The following PID1 variants were observed in gnomAD, a reference collection of about 807,000 sequenced individuals.
The protein encoded by PID1 is PTB-containing, cubilin and LRP1-interacting protein.
A neutral mutation model predicts 19.1 loss-of-function variants in PID1; 10 were observed. That is an observed-to-expected ratio of 0.52 (90% confidence interval 0.32 to 0.89). PID1 has a LOEUF of 0.89. Ranked by LOEUF, PID1 falls within the 40% of genes least tolerant of loss-of-function variation. PID1 has a pLI of 0.03. For missense variants in PID1, 248 were observed against 285.3 expected (o/e 0.87, Z 0.94); for synonymous variants, 130 against 116.0 (o/e 1.12, Z -0.78).
At chr2:229,174,878 T>C (rs917723996) in intron 1 of PID1, among the ~76,000 whole-genome samples, 3 of 152,224 alleles carry the variant, frequency 2.0e-5, no homozygotes, top group African/African-American at 4.8e-5. Flanking sequence ...TTGATACTCC[T>C]ACCTCAAGAG....
chr2:229,191,981 G>C (rs1691269479), intron 1 of PID1, among the ~76,000 whole-genome samples: 1 of 151,920 alleles, frequency 6.6e-6, no homozygotes, highest in South Asian at 2.1e-4. Context: ...TAATATTAGT[G>C]GTTTTCCTAA....
At chr2:229,260,703 A>G (rs1574766241) in intron 1 of PID1, among the ~76,000 whole-genome samples, 1 of 151,924 alleles carries the variant, frequency 6.6e-6, no homozygotes, top group Non-Finnish European at 1.5e-5. Flanking sequence ...ACTTCTTTAC[A>G]TACTTCTAAA....
intron 1 of PID1, among the ~76,000 whole-genome samples, chr2:229,202,517 G>A (rs1232811966): frequency 6.6e-6 from 1 of 152,010 alleles, no homozygotes; most frequent in Non-Finnish European, 1.5e-5. Context: ...CAGGAGCATT[G>A]TACTGGGATG....
chr2:229,043,328 G>A (rs1342182551), intron 2 of PID1, among the ~76,000 whole-genome samples: 1 of 152,086 alleles, frequency 6.6e-6, no homozygotes, highest in African/African-American at 2.4e-5. Context: ...TTTAAGAAGG[G>A]AGAATGATAT....
intron 1 of PID1, among the ~76,000 whole-genome samples, chr2:229,162,658 G>A (rs1690513650): frequency 6.6e-6 from 1 of 152,214 alleles, no homozygotes; most frequent in African/African-American, 2.4e-5. Context: ...ATGTTAATTT[G>A]TACAAGTGCA....
intron 2 of PID1, among the ~76,000 whole-genome samples, chr2:229,091,528 AG>A (rs2106219538): frequency 6.6e-6 from 1 of 152,242 alleles, no homozygotes; most frequent in South Asian, 2.1e-4. Flanking sequence ...AGGTCATGGG[AG>A]TGGAACTCTG....
At chr2:229,052,463 C>G (rs960362556) in intron 2 of PID1, among the ~76,000 whole-genome samples, 2 of 152,060 alleles carry the variant, frequency 1.3e-5, no homozygotes, top group Non-Finnish European at 2.9e-5. Context: ...GTTTTTACTG[C>G]TCTAAAGAGC....
chr2:229,150,043 G>A (rs908426413), intron 2 of PID1, among the ~76,000 whole-genome samples: 1 of 152,040 alleles, frequency 6.6e-6, no homozygotes, highest in Non-Finnish European at 1.5e-5. Flanking sequence ...TGCGAGACCA[G>A]CCTGGCCAAC....
intron 1 of PID1, among the ~76,000 whole-genome samples, chr2:229,217,214 T>C (rs967183569): frequency 3.9e-5 from 6 of 152,212 alleles, no homozygotes; most frequent in African/African-American, 7.2e-5. Context: ...ATCCAGAGCA[T>C]AGAACACTCC....
chr2:229,257,867 C>G (rs1690345061), intron 1 of PID1, among the ~76,000 whole-genome samples: 1 of 152,194 alleles, frequency 6.6e-6, no homozygotes, highest in Non-Finnish European at 1.5e-5. Context: ...ACAATTGCCT[C>G]ACAAGGAATC....
At chr2:229,149,204 T>C (rs1690197368) in intron 2 of PID1, among the ~76,000 whole-genome samples, 1 of 152,064 alleles carries the variant, frequency 6.6e-6, no homozygotes, top group Non-Finnish European at 1.5e-5. Context: ...GCTGTAGAGA[T>C]GCATGTGATG....
chr2:229,177,976 G>A (rs1690860969), intron 1 of PID1, among the ~76,000 whole-genome samples: 1 of 151,918 alleles, frequency 6.6e-6, no homozygotes, highest in Non-Finnish European at 1.5e-5. Flanking sequence ...GTCCTCCAGG[G>A]TCTCCCCACC....
At chr2:229,067,754 C>A (rs1694360466) in intron 2 of PID1, among the ~76,000 whole-genome samples, 1 of 152,168 alleles carries the variant, frequency 6.6e-6, no homozygotes, top group Non-Finnish European at 1.5e-5. Flanking sequence ...TAGCCTGCAT[C>A]CATCTCCCCT....
At chr2:229,163,358 T>C (rs920939868) in intron 1 of PID1, among the ~76,000 whole-genome samples, 1 of 152,200 alleles carries the variant, frequency 6.6e-6, no homozygotes, top group African/African-American at 2.4e-5. Context: ...ATAGTTTCAG[T>C]TTAATTTTAA....
At chr2:229,117,839 T>C (rs1048777792) in intron 2 of PID1, among the ~76,000 whole-genome samples, 2 of 152,112 alleles carry the variant, frequency 1.3e-5, no homozygotes, top group Non-Finnish European at 2.9e-5. Flanking sequence ...GTTTTTAGTC[T>C]TAGCTAAGGA....
chr2:229,055,304 A>G (rs956996569), intron 2 of PID1, among the ~76,000 whole-genome samples: 1 of 152,172 alleles, frequency 6.6e-6, no homozygotes, highest in African/African-American at 2.4e-5. Flanking sequence ...AATTTATTTC[A>G]AACACCAGCC....
chr2:229,185,751 A>C (rs1348046211), intron 1 of PID1, among the ~76,000 whole-genome samples: 1 of 152,172 alleles, frequency 6.6e-6, no homozygotes, highest in Non-Finnish European at 1.5e-5. Context: ...TCCCTCCCAC[A>C]ACACGTGGGA....
At chr2:229,059,006 G>C (rs1247965363) in intron 2 of PID1, among the ~76,000 whole-genome samples, 1 of 152,120 alleles carries the variant, frequency 6.6e-6, no homozygotes, top group Non-Finnish European at 1.5e-5. Flanking sequence ...TATAAATTTT[G>C]TAAATATAAA....
chr2:229,209,723 A>T (rs1215707393), intron 1 of PID1, among the ~76,000 whole-genome samples: 4 of 152,312 alleles, frequency 2.6e-5, no homozygotes, highest in Admixed American at 1.3e-4. Context: ...CATCCTTGAG[A>T]TGCCCTTACT....
Sources: allele counts gnomAD v4.1 joint callset (sites outside exome capture counted in the v4.1 genomes callset), GRCh38; gene constraint gnomAD v4.1.1; transcripts MANE v1.5; gene names NCBI Gene and HGNC (gene_info 2026-07-23, HGNC 2026-07-21).